The following NRXN3 variants were observed in gnomAD, a reference collection of about 807,000 sequenced individuals.
NRXN3 encodes the protein neurexin III.
NRXN3 carries 32 observed loss-of-function variants against 137.6 expected under a neutral mutation model. The observed-to-expected ratio is 0.23, with a 90% CI of 0.18 to 0.31. The LOEUF is 0.31. NRXN3 is among the 10% of genes least tolerant of loss of function. The pLI is 1.00. For synonymous variants in NRXN3, 798 were observed against 784.5 expected, an observed-to-expected ratio of 1.02 and a Z score of -0.29; for missense variants, 1,574 against 2,062.5, an observed-to-expected ratio of 0.76 and a Z score of 4.59.
intron 4 of NRXN3, among the ~76,000 whole-genome samples, chr14:78,631,834 C>T (rs993121652): frequency 6.6e-6 from 1 of 152,114 alleles, no homozygotes; most frequent in African/African-American, 2.4e-5. Flanking sequence ...AGGCTCATGC[C>T]TGTAATCCCA....
At chr14:79,632,638 C>CAGAGAAATGGAGTTGTAT (rs1567725078) in intron 16 of NRXN3, among the ~76,000 whole-genome samples, 10 of 152,094 alleles carry the variant, frequency 6.6e-5, no homozygotes, top group African/African-American at 2.4e-4. Flanking sequence ...TCTGTCTTTG[C>CAGAGAAATGGAGTTGTAT]CTAAGACGTG....
chr14:78,517,296 G>A (rs1270090293), intron 4 of NRXN3, among the ~76,000 whole-genome samples: 1 of 152,116 alleles, frequency 6.6e-6, no homozygotes, highest in Non-Finnish European at 1.5e-5. Flanking sequence ...GCTGGGTGAT[G>A]AGTGGTAGTG....
At chr14:78,593,598 C>A (rs1248943244) in intron 4 of NRXN3, among the ~76,000 whole-genome samples, 1 of 152,160 alleles carries the variant, frequency 6.6e-6, no homozygotes, top group Non-Finnish European at 1.5e-5. Context: ...CAAAAGACAT[C>A]CTCTGGGTTC....
At chr14:78,337,831 A>G (rs1368546057) in intron 4 of NRXN3, among the ~76,000 whole-genome samples, 2 of 152,154 alleles carry the variant, frequency 1.3e-5, no homozygotes, top group African/African-American at 2.4e-5. Flanking sequence ...GGAACCAGAG[A>G]TGAACAGATG....
At chr14:79,681,641 G>C (rs543054284) in intron 17 of NRXN3, among the ~76,000 whole-genome samples, 33 of 151,848 alleles carry the variant, frequency 2.2e-4, no homozygotes, top group Non-Finnish European at 4.1e-4. Context: ...CAAGTCTCAC[G>C]GCCCACCCAG....
At chr14:79,642,788 C>T (rs1331167830) in intron 16 of NRXN3, among the ~76,000 whole-genome samples, 1 of 135,584 alleles carries the variant, frequency 7.4e-6, no homozygotes, top group Non-Finnish European at 1.7e-5. Context: ...TAACTATATT[C>T]TCAAGAAGAT....
chr14:79,485,526 T>C (rs2096647694), intron 16 of NRXN3, among the ~76,000 whole-genome samples: 1 of 152,166 alleles, frequency 6.6e-6, no homozygotes, highest in Non-Finnish European at 1.5e-5. Flanking sequence ...GCAGACTTTA[T>C]AAATTTAGCT....
chr14:79,646,425 C>T (rs1462289622), intron 16 of NRXN3, among the ~76,000 whole-genome samples: 1 of 135,706 alleles, frequency 7.4e-6, no homozygotes, highest in Non-Finnish European at 1.7e-5. Flanking sequence ...ATTTAACATT[C>T]TTCTAATGTT....
intron 16 of NRXN3, among the ~76,000 whole-genome samples, chr14:79,475,852 G>C (rs2096554945): frequency 6.6e-6 from 1 of 152,026 alleles, no homozygotes; most frequent in African/African-American, 2.4e-5. Flanking sequence ...AAGACAGCTG[G>C]GTGGCACATA....
chr14:79,808,531 A>G (rs942325437), intron 20 of NRXN3, among the ~76,000 whole-genome samples: 2 of 152,010 alleles, frequency 1.3e-5, no homozygotes, highest in Non-Finnish European at 2.9e-5. Flanking sequence ...ACATTTTTCC[A>G]GGCCTTTTGC....
chr14:79,034,532 C>T (rs1256405705), intron 15 of NRXN3, among the ~76,000 whole-genome samples: 1 of 152,114 alleles, frequency 6.6e-6, no homozygotes, highest in Non-Finnish European at 1.5e-5. Context: ...GGCATCTGCC[C>T]TTGCTCCGCA....
chr14:79,235,945 G>T (rs756459474), intron 15 of NRXN3, among the ~76,000 whole-genome samples: 4 of 152,084 alleles, frequency 2.6e-5, no homozygotes, highest in Non-Finnish European at 5.9e-5. Flanking sequence ...ATTCTGTAGA[G>T]AATTAACATA....
At chr14:78,509,630 T>C (rs1185502404) in intron 4 of NRXN3, among the ~76,000 whole-genome samples, 1 of 152,120 alleles carries the variant, frequency 6.6e-6, no homozygotes, top group Non-Finnish European at 1.5e-5. Flanking sequence ...CACCTTCTGC[T>C]CTTCTCCAGG....
At position 78,574,561 on chromosome 14, in the gene NRXN3, C is replaced by T. The variant is rs187784095; in HGVS notation, c.758-70559C>T. On this transcript the variant is annotated intron_variant, in intron 4 of 20. Coordinates refer to ENST00000335750, the MANE Select transcript of NRXN3 (RefSeq NM_001330195.2). Reference sequence around the variant, plus strand: ...TTGGAGCTTTAAGATTTAACTGCCCCGCTGGATTTTGGACTTGCATGGGAC... The same window carrying T: ...TTGGAGCTTTAAGATTTAACTGCCCTGCTGGATTTTGGACTTGCATGGGAC... Among the ~76,000 whole-genome samples the T allele has an allele frequency of 2.0e-4, 31 of 152,318 alleles. 1 individual carries two copies. Among genetic ancestry groups the T allele is most frequent in the Middle Eastern group, 3.4e-3 (1 of 294 alleles).
intron 1 of NRXN3, among the ~76,000 whole-genome samples, chr14:78,178,718 C>T (rs1286760184): frequency 1.3e-5 from 2 of 152,062 alleles, no homozygotes; most frequent in Non-Finnish European, 1.5e-5. Context: ...GTAGTGTCCT[C>T]ATTTATCTGT....
rs562228668 is a variant in NRXN3 at position 79,847,395 on chromosome 14, G to A, written c.4094-13947G>A. ...AGCTCTGAAAAGGTCTTATTTTGAT[G>A]TCTTTCCATAAGATTGTATTCCTTT... is the stretch of plus-strand genomic sequence containing the variant. On this transcript the variant is annotated intron_variant, in intron 20 of 20. Transcript: ENST00000335750. Among the ~76,000 whole-genome samples, 3 of 152,234 alleles carry A rather than the reference G, an allele frequency of 2.0e-5. No homozygotes were observed. The East Asian group carries it at 5.8e-4, about 29-fold the overall frequency.
At chr14:78,940,855 G>A (rs371383926) in intron 10 of NRXN3, among the ~76,000 whole-genome samples, 9 of 151,764 alleles carry the variant, frequency 5.9e-5, no homozygotes, top group Admixed American at 3.3e-4. Context: ...TGTGTATCAA[G>A]CTGTGAATTA....
intron 4 of NRXN3, among the ~76,000 whole-genome samples, chr14:78,340,244 T>C (rs2081999850): frequency 6.6e-6 from 1 of 152,200 alleles, no homozygotes. Flanking sequence ...GAGAGAAGGC[T>C]GCCTTTTCCC....
chr14:78,849,678 TTCTC>T (rs778584951), intron 10 of NRXN3, among the ~76,000 whole-genome samples: 45 of 152,132 alleles, frequency 3.0e-4, no homozygotes, highest in Non-Finnish European at 5.4e-4. Flanking sequence ...CTCAAGCTGT[TTCTC>T]TCTATCTCGT....
Sources: gnomAD v4.1 joint callset for allele counts (sites outside exome capture counted in the v4.1 genomes callset) on GRCh38, gnomAD v4.1.1 for gene constraint, MANE v1.5 for transcripts, NCBI Gene and HGNC (gene_info 2026-07-23, HGNC 2026-07-21) for gene names.